Variants in CNTNAP2 observed in about 807,000 individuals in gnomAD.
CNTNAP2 encodes the protein contactin associated protein 2.
Under a neutral mutation model 155.2 loss-of-function variants are expected in CNTNAP2, and 98 were observed. The observed-to-expected ratio is 0.63, with a 90% CI of 0.54 to 0.75. CNTNAP2 has a LOEUF of 0.75. Ranked by LOEUF, CNTNAP2 falls within the 30% of genes least tolerant of loss-of-function variation. The probability of loss-of-function intolerance (pLI) is 0.00; values close to 1 mark genes in which losing one functional copy is unlikely to be tolerated. For synonymous variants in CNTNAP2, 651 were observed against 631.2 expected (o/e 1.03, Z -0.47); for missense variants, 1,727 against 1,688.1 (o/e 1.02, Z -0.40).
chr7:147,555,906 C>T (rs1363586446), intron 11 of CNTNAP2, among the ~76,000 whole-genome samples: 1 of 152,222 alleles, frequency 6.6e-6, no homozygotes, highest in Non-Finnish European at 1.5e-5. Context: ...CTACCCTATC[C>T]ATTCTTTAAT....
chr7:146,437,785 C>G (rs968445793), intron 1 of CNTNAP2, among the ~76,000 whole-genome samples: 3 of 151,414 alleles, frequency 2.0e-5, no homozygotes, highest in African/African-American at 7.4e-5. Context: ...TTTGGGCACT[C>G]AAATTTGTGA....
intron 1 of CNTNAP2, among the ~76,000 whole-genome samples, chr7:146,206,574 A>G (rs1038136310): frequency 1.3e-5 from 2 of 152,068 alleles, no homozygotes. Context: ...ATGCATCTTT[A>G]GTACTTGACC....
At chr7:146,809,185 C>T (rs1454407333) in intron 2 of CNTNAP2, among the ~76,000 whole-genome samples, 2 of 152,146 alleles carry the variant, frequency 1.3e-5, no homozygotes, top group Non-Finnish European at 2.9e-5. Flanking sequence ...TTCCTACCAA[C>T]AGAGGAGTAT....
intron 22 of CNTNAP2, among the ~76,000 whole-genome samples, chr7:148,395,128 C>G (rs886971): frequency 0.16 from 22,356 of 143,134 alleles, 2,004 homozygotes; most frequent in South Asian, 0.31. Context: ...GACCCCCCCC[C>G]CTTATTGATT....
At chr7:147,175,059 A>G (rs772580838) in intron 8 of CNTNAP2, among the ~76,000 whole-genome samples, 1 of 152,292 alleles carries the variant, frequency 6.6e-6, no homozygotes, top group South Asian at 2.1e-4. Flanking sequence ...GACAGATAAA[A>G]ACATGTATAT....
intron 10 of CNTNAP2, among the ~76,000 whole-genome samples, chr7:147,439,386 G>A (rs1471738220): frequency 6.6e-6 from 1 of 151,842 alleles, no homozygotes; most frequent in African/African-American, 2.4e-5. Context: ...CATTTGTATA[G>A]TTTCCAAAAT....
intron 3 of CNTNAP2, among the ~76,000 whole-genome samples, chr7:146,938,659 C>T (rs1796978845): frequency 6.6e-6 from 1 of 151,592 alleles, no homozygotes; most frequent in Non-Finnish European, 1.5e-5. Context: ...TTCTGATTGC[C>T]ATGTAAAAAT....
intron 13 of CNTNAP2, among the ~76,000 whole-genome samples, chr7:147,794,048 T>C (rs1481101026): frequency 6.6e-6 from 1 of 151,934 alleles, no homozygotes; most frequent in East Asian, 1.9e-4. Flanking sequence ...GTTATAATAG[T>C]TTTTAGTGGA....
intron 8 of CNTNAP2, among the ~76,000 whole-genome samples, chr7:147,240,826 G>A (rs192486296): frequency 4.5e-4 from 69 of 152,222 alleles, no homozygotes; most frequent in Non-Finnish European, 7.8e-4. Context: ...ATTCTGTGTC[G>A]AAGGGCATTA....
intron 3 of CNTNAP2, among the ~76,000 whole-genome samples, chr7:146,927,560 AC>A (rs1264385738): frequency 6.6e-6 from 1 of 152,192 alleles, no homozygotes; most frequent in Non-Finnish European, 1.5e-5. Context: ...ATAAAGATAT[AC>A]AATATACAAT....
chr7:146,242,432 G>A lies in CNTNAP2; in HGVS notation c.97+125459G>A, dbSNP rs183286827. Among the ~76,000 whole-genome samples the A allele has an allele frequency of 1.7e-3, 255 of 151,970 alleles. 3 individuals carry two copies. Among genetic ancestry groups the A allele is most frequent in the Non-Finnish European group, 3.1e-3 (213 of 67,944 alleles). ...CTTGTGCCTGTAGTCCCAGCTACTC[G>A]GGAGGCTAAGGCAGGGGAATCGCTT... On this transcript the variant is annotated intron_variant, in intron 1 of 23. Transcript: ENST00000361727.
intron 8 of CNTNAP2, among the ~76,000 whole-genome samples, chr7:147,235,966 A>G (rs1247132773): frequency 1.3e-5 from 2 of 152,170 alleles, no homozygotes; most frequent in Non-Finnish European, 2.9e-5. Flanking sequence ...TGCCAACCCA[A>G]TGTCATAGGG....
At chr7:147,873,579 A>G (rs544548614) in intron 13 of CNTNAP2, among the ~76,000 whole-genome samples, 1 of 152,290 alleles carries the variant, frequency 6.6e-6, no homozygotes, top group South Asian at 2.1e-4. Flanking sequence ...GGTCCCTCCC[A>G]CAACACATGG....
chr7:146,540,834 ATGT>A (rs1050082951), intron 1 of CNTNAP2, among the ~76,000 whole-genome samples: 1 of 152,030 alleles, frequency 6.6e-6, no homozygotes, highest in African/African-American at 2.4e-5. Flanking sequence ...TTGAGGGGAA[ATGT>A]TGTCATTACA....
At chr7:146,134,336 T>C (rs1376372169) in intron 1 of CNTNAP2, among the ~76,000 whole-genome samples, 1 of 142,194 alleles carries the variant, frequency 7.0e-6, no homozygotes, top group African/African-American at 2.5e-5. Flanking sequence ...TTTCTAGATA[T>C]ACAATCATGT....
At chr7:148,105,304 AG>A (rs1050417108) in intron 15 of CNTNAP2, among the ~76,000 whole-genome samples, 1 of 152,186 alleles carries the variant, frequency 6.6e-6, no homozygotes, top group African/African-American at 2.4e-5. Flanking sequence ...AGAGAAGGGG[AG>A]GATGTTGTAG....
chr7:146,975,101 A>T (rs1421573004), intron 3 of CNTNAP2, among the ~76,000 whole-genome samples: 1 of 152,244 alleles, frequency 6.6e-6, no homozygotes, highest in East Asian at 1.9e-4. Context: ...ACAGAAGTAC[A>T]TATTTTGGGT....
intron 8 of CNTNAP2, among the ~76,000 whole-genome samples, chr7:147,295,663 C>G (rs753821418): frequency 6.6e-6 from 1 of 152,090 alleles, no homozygotes; most frequent in Admixed American, 6.6e-5. Flanking sequence ...CTATTTCTTA[C>G]AAGATGTAGA....
chr7:148,219,698 G>T (rs1795708954), intron 19 of CNTNAP2, among the ~76,000 whole-genome samples: 1 of 152,068 alleles, frequency 6.6e-6, no homozygotes, highest in African/African-American at 2.4e-5. Flanking sequence ...AACTGGGCAT[G>T]GTGAGGCACA....
Sources: gnomAD v4.1 joint callset for allele counts (sites outside exome capture counted in the v4.1 genomes callset) on GRCh38, gnomAD v4.1.1 for gene constraint, MANE v1.5 for transcripts, NCBI Gene and HGNC (gene_info 2026-07-23, HGNC 2026-07-21) for gene names.